The following SNTG1 variants were observed in gnomAD, a reference collection of about 807,000 sequenced individuals.
SNTG1 encodes syntrophin gamma 1.
A neutral mutation model predicts 74.7 loss-of-function variants in SNTG1; 39 were observed. That is an observed-to-expected ratio of 0.52 (90% CI 0.40 to 0.68). The LOEUF (loss-of-function observed/expected upper bound fraction) is 0.68, where lower values mean the gene tolerates loss of function less well. SNTG1 is among the 30% of genes least tolerant of loss of function. The pLI, the probability that SNTG1 is intolerant of heterozygous loss-of-function variation, is 0.00. For missense variants in SNTG1, 685 were observed against 609.5 expected, an observed-to-expected ratio of 1.12 and a Z score of -1.30; for synonymous variants, 254 against 217.1, an observed-to-expected ratio of 1.17 and a Z score of -1.49.
intron 11 of SNTG1, among the ~76,000 whole-genome samples, chr8:50,542,082 C>CAT (rs145947921): frequency 0.013 from 949 of 74,902 alleles, 8 homozygotes; most frequent in African/African-American, 0.054. Flanking sequence ...TGTATATATA[C>CAT]ATATATATGA....
At chr8:50,703,921 G>A (rs2095434832) in intron 15 of SNTG1, among the ~76,000 whole-genome samples, 2 of 152,090 alleles carry the variant, frequency 1.3e-5, no homozygotes, top group South Asian at 4.1e-4. Context: ...CTGACATGTT[G>A]CATTGGGTTA....
chr8:50,282,429 C>T (rs2088518702), intron 2 of SNTG1, among the ~76,000 whole-genome samples: 1 of 152,134 alleles, frequency 6.6e-6, no homozygotes. Context: ...ACTCTTACAC[C>T]TATAGATATG....
intron 2 of SNTG1, among the ~76,000 whole-genome samples, chr8:50,327,922 G>T (rs778291620): frequency 2.6e-5 from 4 of 152,076 alleles, no homozygotes; most frequent in Non-Finnish European, 5.9e-5. Context: ...TTCACAGATA[G>T]TTCAAATACC....
At chr8:50,479,700 C>T (rs1227142509) in intron 8 of SNTG1, among the ~76,000 whole-genome samples, 1 of 151,978 alleles carries the variant, frequency 6.6e-6, no homozygotes, top group African/African-American at 2.4e-5. Context: ...ACTCTGGGCC[C>T]CTGTGCCTTC....
At chr8:49,939,398 T>C (rs775590954) in intron 1 of SNTG1, among the ~76,000 whole-genome samples, 2 of 152,220 alleles carry the variant, frequency 1.3e-5, no homozygotes, top group Non-Finnish European at 2.9e-5. Flanking sequence ...ACCCTTGTCA[T>C]TGACCACTTA....
At chr8:50,611,379 G>A (rs866559594) in intron 13 of SNTG1, among the ~76,000 whole-genome samples, 3 of 152,290 alleles carry the variant, frequency 2.0e-5, no homozygotes, top group South Asian at 4.1e-4. Context: ...AGAGAACAGA[G>A]GGTAGGAGGA....
At chr8:50,174,937 C>T (rs994715028) in intron 2 of SNTG1, among the ~76,000 whole-genome samples, 3 of 146,770 alleles carry the variant, frequency 2.0e-5, no homozygotes, top group African/African-American at 5.0e-5. Flanking sequence ...GTTCAGTTTC[C>T]ACCTATGAGT....
intron 2 of SNTG1, among the ~76,000 whole-genome samples, chr8:50,173,757 AATAG>A (rs2082890754): frequency 6.6e-6 from 1 of 152,166 alleles, no homozygotes; most frequent in South Asian, 2.1e-4. Context: ...ATGGGTTGCT[AATAG>A]ATTGATTTCC....
chr8:50,136,564 T>C (rs1019759945), intron 1 of SNTG1, among the ~76,000 whole-genome samples: 1 of 152,140 alleles, frequency 6.6e-6, no homozygotes, highest in Admixed American at 6.6e-5. Context: ...GGGCACAGAC[T>C]CCTTTTGTCC....
intron 1 of SNTG1, among the ~76,000 whole-genome samples, chr8:50,056,989 A>G (rs909399265): frequency 1.3e-5 from 2 of 152,190 alleles, no homozygotes; most frequent in African/African-American, 4.8e-5. Flanking sequence ...ATAATTTATT[A>G]TATCAAACCT....
At chr8:50,560,649 A>T (rs1019901961) in intron 12 of SNTG1, among the ~76,000 whole-genome samples, 1 of 152,188 alleles carries the variant, frequency 6.6e-6, no homozygotes, top group Non-Finnish European at 1.5e-5. Flanking sequence ...CTTCTTACTT[A>T]TAAGCAGGAA....
intron 1 of SNTG1, among the ~76,000 whole-genome samples, chr8:50,058,583 A>G (rs922645276): frequency 6.6e-6 from 1 of 152,108 alleles, no homozygotes; most frequent in Non-Finnish European, 1.5e-5. Context: ...ATTGACATGC[A>G]GTTGTGAAGT....
chr8:50,347,264 C>T (rs1470887061), intron 2 of SNTG1, among the ~76,000 whole-genome samples: 2 of 152,178 alleles, frequency 1.3e-5, no homozygotes, highest in African/African-American at 4.8e-5. Context: ...AAGAATCATG[C>T]TAAGTCAACT....
chr8:50,189,804 GT>G (rs1471042488), intron 2 of SNTG1, among the ~76,000 whole-genome samples: 1 of 152,010 alleles, frequency 6.6e-6, no homozygotes, highest in Admixed American at 6.6e-5. Flanking sequence ...AAAATATAGT[GT>G]TTTTCAAAAA....
At chr8:50,315,335 G>A (rs2130778802) in intron 2 of SNTG1, among the ~76,000 whole-genome samples, 1 of 149,888 alleles carries the variant, frequency 6.7e-6, no homozygotes, top group African/African-American at 2.5e-5. Flanking sequence ...GTTGATATGA[G>A]TAACTACTTT....
At chr8:50,279,870 C>T (rs542370581) in intron 2 of SNTG1, among the ~76,000 whole-genome samples, 9 of 152,184 alleles carry the variant, frequency 5.9e-5, no homozygotes, top group Non-Finnish European at 1.3e-4. Context: ...GTTATGTGGA[C>T]TTCAATCAAT....
At chr8:50,058,155 A>C (rs1820182135) in intron 1 of SNTG1, among the ~76,000 whole-genome samples, 1 of 152,026 alleles carries the variant, frequency 6.6e-6, no homozygotes, top group Admixed American at 6.6e-5. Flanking sequence ...TCAACTGCAG[A>C]CTCTGAGAGG....
chr8:50,275,014 T>A (rs1196517293), intron 2 of SNTG1, among the ~76,000 whole-genome samples: 1 of 152,160 alleles, frequency 6.6e-6, no homozygotes, highest in South Asian at 2.1e-4. Context: ...TTATAAATTA[T>A]GCTGCAGTTT....
chr8:50,742,536 G>GTA (rs977527065), intron 17 of SNTG1, among the ~76,000 whole-genome samples: 5 of 151,414 alleles, frequency 3.3e-5, no homozygotes, highest in African/African-American at 7.3e-5. Flanking sequence ...AGGAGTATAA[G>GTA]TATATATATA....
Sources: allele counts gnomAD v4.1 joint callset (sites outside exome capture counted in the v4.1 genomes callset), GRCh38; gene constraint gnomAD v4.1.1; transcripts MANE v1.5; gene names NCBI Gene and HGNC (gene_info 2026-07-23, HGNC 2026-07-21).